The following SLC7A1 variants were observed in gnomAD, a reference collection of about 807,000 sequenced individuals.
SLC7A1 encodes solute carrier family 7 member 1, also known as high affinity cationic amino acid transporter 1.
In SLC7A1, 10 loss-of-function variants were observed where a neutral mutation model predicts 53.9. The ratio of observed to expected loss-of-function variants is 0.19; its 90% CI spans 0.11 to 0.31. SLC7A1 has a LOEUF of 0.31. SLC7A1 is among the 10% of genes least tolerant of loss of function. The pLI is 1.00. For synonymous variants in SLC7A1, 342 were observed against 338.7 expected, an observed-to-expected ratio of 1.01 and a Z score of -0.11; for missense variants, 525 against 827.2, an observed-to-expected ratio of 0.63 and a Z score of 4.48.
chr13:29,587,222 C>G (rs1391006874), intron 1 of SLC7A1, among the ~76,000 whole-genome samples: 1 of 152,156 alleles, frequency 6.6e-6, no homozygotes, highest in African/African-American at 2.4e-5. Flanking sequence ...CTTCTAAGAA[C>G]AAAATCCTTC....
At chr13:29,564,613 G>A (rs543903750) in intron 1 of SLC7A1, among the ~76,000 whole-genome samples, 10 of 152,274 alleles carry the variant, frequency 6.6e-5, no homozygotes, top group African/African-American at 2.4e-4. Context: ...TTAGATGCAA[G>A]GACGATCCTC....
chr13:29,530,801 A>G (rs1869115032), intron 4 of SLC7A1, 89 bp from the exon 5 acceptor site: 1 of 1,081,476 alleles, frequency 9.2e-7, no homozygotes, highest in African/African-American at 1.6e-5. Flanking sequence ...AAGGCGACTG[A>G]AAAAGAATCC....
intron 1 of SLC7A1, among the ~76,000 whole-genome samples, chr13:29,577,856 C>T (rs1030076464): frequency 1.3e-5 from 2 of 152,180 alleles, no homozygotes; most frequent in East Asian, 1.9e-4. Context: ...CCCCAAGCAC[C>T]GCTAGCCCCC....
intron 1 of SLC7A1, among the ~76,000 whole-genome samples, chr13:29,594,932 C>T (rs946781977): frequency 5.9e-5 from 9 of 152,142 alleles, no homozygotes; most frequent in Admixed American, 3.3e-4. Context: ...CGGCTGATGA[C>T]ACATCCCCGG....
intron 1 of SLC7A1, among the ~76,000 whole-genome samples, chr13:29,555,166 G>A (rs938538061): frequency 5.3e-5 from 8 of 150,016 alleles, no homozygotes; most frequent in Admixed American, 6.6e-5. Flanking sequence ...AGACCATCCC[G>A]GCTAAAATGG....
chr13:29,576,320 A>G (rs980918328), intron 1 of SLC7A1, among the ~76,000 whole-genome samples: 13 of 150,244 alleles, frequency 8.7e-5, no homozygotes, highest in Non-Finnish European at 1.6e-4. Flanking sequence ...AAAGAAAACA[A>G]AAGAAATTTA....
intron 1 of SLC7A1, among the ~76,000 whole-genome samples, chr13:29,575,734 G>A (rs1048571701): frequency 3.9e-5 from 6 of 152,124 alleles, no homozygotes; most frequent in African/African-American, 1.4e-4. Context: ...GATTCCAAAT[G>A]TAGTCTATTT....
chr13:29,542,048 TA>T (rs1011099666), intron 2 of SLC7A1, among the ~76,000 whole-genome samples: 71 of 151,584 alleles, frequency 4.7e-4, no homozygotes, highest in East Asian at 1.7e-3. Flanking sequence ...ATTTTTATCA[TA>T]AAAAAAAACA....
chr13:29,531,079 G>A (rs751040813), intron 4 of SLC7A1, among the ~76,000 whole-genome samples: 22 of 152,182 alleles, frequency 1.4e-4, no homozygotes, highest in Admixed American at 7.2e-4. Flanking sequence ...CTAAAAGGAT[G>A]CGTTGCTGGG....
At chr13:29,516,357 G>C in intron 11 of SLC7A1, 111 bp from the exon 12 acceptor site, 1 of 701,716 alleles carries the variant, frequency 1.4e-6, no homozygotes, top group Non-Finnish European at 2.5e-6. Context: ...ACCGTCGGGC[G>C]AGTGTGGGGA....
chr13:29,583,206 A>G (rs1871728063), intron 1 of SLC7A1, among the ~76,000 whole-genome samples: 1 of 152,214 alleles, frequency 6.6e-6, no homozygotes, highest in South Asian at 2.1e-4. Flanking sequence ...TGCACAGTAA[A>G]AGTGTGCCCC....
rs146432104 is a variant in SLC7A1, at chr13:29,576,292, T to TAAAAAAAAAAAAAAAAAAAAA, written c.-115+19123_-115+19124insTTTTTTTTTTTTTTTTTTTTT. ...GGGTATCAGTATGAGATCCTGTTTT[T>TAAAAAAAAAAAAAAAAAAAAA]TAAAAAAAAAAAAAAGGAAAGAAAA... On this transcript the variant is annotated intron_variant, in intron 1 of 12. Transcript: ENST00000380752. Among the ~76,000 whole-genome samples the TAAAAAAAAAAAAAAAAAAAAA allele has an allele frequency of 3.3e-4, 35 of 107,146 alleles. 5 individuals carry two copies. Among genetic ancestry groups the TAAAAAAAAAAAAAAAAAAAAA allele is most frequent in the Non-Finnish European group, 5.1e-4 (30 of 58,890 alleles). 70.3% of individuals were successfully genotyped at this position (107,146 alleles called of 152,430 possible).
intron 2 of SLC7A1, among the ~76,000 whole-genome samples, chr13:29,552,211 G>C (rs531138746): frequency 6.4e-4 from 89 of 139,824 alleles, no homozygotes; most frequent in African/African-American, 2.2e-3. Context: ...GACAAGTCAG[G>C]TGAGGGTCAT....
chr13:29,570,783 G>C (rs1174582538), intron 1 of SLC7A1, among the ~76,000 whole-genome samples: 3 of 151,618 alleles, frequency 2.0e-5, no homozygotes, highest in Admixed American at 6.6e-5. Context: ...CTTGAGCCTA[G>C]GGAGGTAGAG....
At chr13:29,582,280 C>A (rs1370823732) in intron 1 of SLC7A1, among the ~76,000 whole-genome samples, 1 of 152,218 alleles carries the variant, frequency 6.6e-6, no homozygotes, top group Non-Finnish European at 1.5e-5. Context: ...AGCTATCACT[C>A]CTTGCCGGTG....
In SLC7A1 at chr13:29,559,900, A is replaced by G. The variant is rs533387552; in HGVS notation, c.-114-6040T>C. Among the ~76,000 whole-genome samples the G allele has an allele frequency of 7.9e-5, 12 of 152,128 alleles. 1 individual carries two copies. In the South Asian group the frequency reaches 1.2e-3, roughly 16 times the overall value. ...CCGGATAATTTTTTGTATTTTTAGT[A>G]GAGACGGGGTTTCACCGTGTTAGCC... On this transcript the variant is annotated intron_variant, in intron 1 of 12. Transcript: ENST00000380752.
At chr13:29,562,446 C>T (rs1047399583) in intron 1 of SLC7A1, among the ~76,000 whole-genome samples, 2 of 152,146 alleles carry the variant, frequency 1.3e-5, no homozygotes, top group Non-Finnish European at 2.9e-5. Context: ...TCAAAGGAAA[C>T]GCTCGCTGGA....
intron 1 of SLC7A1, among the ~76,000 whole-genome samples, chr13:29,569,366 C>T (rs1218495859): frequency 2.0e-5 from 3 of 152,142 alleles, no homozygotes; most frequent in African/African-American, 7.2e-5. Context: ...GCTGTGAACC[C>T]CCTGCCCTGC....
intron 1 of SLC7A1, among the ~76,000 whole-genome samples, chr13:29,568,421 C>A (rs772379378): frequency 1.1e-4 from 17 of 152,230 alleles, no homozygotes. Context: ...ACTCAGCCTG[C>A]GAGAGCCAAC....
Sources: gnomAD v4.1 joint callset for allele counts (sites outside exome capture counted in the v4.1 genomes callset) on GRCh38, gnomAD v4.1.1 for gene constraint, MANE v1.5 for transcripts, NCBI Gene and HGNC (gene_info 2026-07-23, HGNC 2026-07-21) for gene names.